OSBPL6: variants seen among roughly 807,000 people sequenced by gnomAD.
OSBPL6 encodes the protein oxysterol-binding protein-related protein 6.
A neutral mutation model predicts 125.8 loss-of-function variants in OSBPL6; 49 were observed. The observed-to-expected ratio is 0.39, with a 90% CI of 0.31 to 0.49. The LOEUF (loss-of-function observed/expected upper bound fraction) is 0.49. Ranked by LOEUF, OSBPL6 falls within the 20% of genes least tolerant of loss-of-function variation. OSBPL6 has a pLI of 0.88. For synonymous variants in OSBPL6, 394 were observed against 391.8 expected, an observed-to-expected ratio of 1.01 and a Z score of -0.07; for missense variants, 986 against 1,135.4, an observed-to-expected ratio of 0.87 and a Z score of 1.89.
chr2:178,248,109 C>T (rs977648197), intron 1 of OSBPL6, among the ~76,000 whole-genome samples: 3 of 152,114 alleles, frequency 2.0e-5, no homozygotes, highest in Admixed American at 6.5e-5. Context: ...AGATACAAAA[C>T]GAAGATTCAG....
chr2:178,308,405 T>C (rs569502460), intron 3 of OSBPL6, among the ~76,000 whole-genome samples: 2 of 152,360 alleles, frequency 1.3e-5, no homozygotes, highest in East Asian at 3.9e-4. Context: ...TAAATTTGGC[T>C]TCATTGAATC....
chr2:178,348,511 C>CT (rs1207923551), intron 11 of OSBPL6, among the ~76,000 whole-genome samples: 1 of 152,238 alleles, frequency 6.6e-6, no homozygotes, highest in African/African-American at 2.4e-5. Flanking sequence ...AAGGAAGTAC[C>CT]TCTAGCCATG....
At chr2:178,316,185 A>G (rs1000996654) in intron 3 of OSBPL6, among the ~76,000 whole-genome samples, 1 of 152,202 alleles carries the variant, frequency 6.6e-6, no homozygotes, top group African/African-American at 2.4e-5. Flanking sequence ...AAGGAAATAG[A>G]TACTCTCCTG....
intron 1 of OSBPL6, among the ~76,000 whole-genome samples, chr2:178,269,029 GTCCA>G (rs911155441): frequency 6.6e-6 from 1 of 152,170 alleles, no homozygotes; most frequent in African/African-American, 2.4e-5. Flanking sequence ...TTTTGGATTG[GTCCA>G]TATTGCTTTG....
intron 3 of OSBPL6, among the ~76,000 whole-genome samples, chr2:178,317,437 C>CATAT (rs6147046): frequency 0.021 from 2,289 of 106,496 alleles, 48 homozygotes; most frequent in Non-Finnish European, 0.028. Flanking sequence ...ACTTAGACAC[C>CATAT]ATATATATAT....
intron 5 of OSBPL6, among the ~76,000 whole-genome samples, chr2:178,329,124 T>C (rs1187744463): frequency 6.6e-6 from 1 of 152,178 alleles, no homozygotes; most frequent in African/African-American, 2.4e-5. Flanking sequence ...TGAACATCCT[T>C]ACACATGAAC....
intron 11 of OSBPL6, chr2:178,344,142 A>G: frequency 1.6e-6 from 1 of 643,938 alleles, no homozygotes; most frequent in Admixed American, 2.7e-5. Flanking sequence ...CTCCCCTGTG[A>G]GCGCTTTTCG....
rs543923240 is a variant in OSBPL6 at position 178,203,370 on chromosome 2, A to G, written c.-351+8696A>G. Among the ~76,000 whole-genome samples, 3 of 152,264 alleles carry G rather than the reference A, an allele frequency of 2.0e-5. 1 individual carries two copies. The South Asian group carries it at 6.2e-4, about 32-fold the overall frequency. On this transcript the variant is annotated intron_variant, in intron 1 of 24. Coordinates refer to ENST00000190611, the MANE Select transcript of OSBPL6 (RefSeq NM_032523.4). Reference sequence around the variant, plus strand: ...ACATTTAGTAATCTCTTCTTTGGCAATGTCTACAGTATTAATCTCATCCAA... The same window carrying G: ...ACATTTAGTAATCTCTTCTTTGGCAGTGTCTACAGTATTAATCTCATCCAA...
In OSBPL6 at chr2:178,396,367, T is replaced by A. The variant is rs947409716; in HGVS notation, c.*808T>A. On this transcript the variant is annotated 3_prime_UTR_variant, in exon 25 of 25. Transcript: ENST00000190611. Reference sequence around the variant, plus strand: ...TCTGTATTTACGTGGCTCGTTAATTTCCTGTCCTGCGTCCAGATAATAAAC... The same window carrying A: ...TCTGTATTTACGTGGCTCGTTAATTACCTGTCCTGCGTCCAGATAATAAAC... 2.6e-5 allele frequency: 4 copies of A among 152,394 alleles called. No homozygotes were observed. Among genetic ancestry groups the A allele is most frequent in the African/African-American group, 9.7e-5 (4 of 41,450 alleles). 9.4% of individuals were successfully genotyped at this position (152,394 alleles called of 1,614,324 possible).
At chr2:178,302,397 G>A (rs564070920) in intron 2 of OSBPL6, among the ~76,000 whole-genome samples, 15 of 152,076 alleles carry the variant, frequency 9.9e-5, no homozygotes, top group African/African-American at 3.1e-4. Context: ...ATGTTCTTTC[G>A]TAGAGATGAC....
intron 13 of OSBPL6, among the ~76,000 whole-genome samples, chr2:178,369,855 C>T (rs940314475): frequency 1.3e-5 from 2 of 152,186 alleles, no homozygotes; most frequent in African/African-American, 4.8e-5. Flanking sequence ...CACTACTTAT[C>T]TTTGCCCTTG....
At chr2:178,384,388 G>A (rs1324774114) in intron 18 of OSBPL6, among the ~76,000 whole-genome samples, 1 of 152,234 alleles carries the variant, frequency 6.6e-6, no homozygotes, top group African/African-American at 2.4e-5. Context: ...CTGACAAAAT[G>A]TGTCCAAGGT....
At chr2:178,343,034 T>C (rs1056491281) in intron 11 of OSBPL6, among the ~76,000 whole-genome samples, 1 of 152,132 alleles carries the variant, frequency 6.6e-6, no homozygotes, top group East Asian at 1.9e-4. Context: ...CATATACATA[T>C]ATGTATGCAG....
chr2:178,379,715 G>A (rs1217394371), intron 15 of OSBPL6, among the ~76,000 whole-genome samples: 3 of 152,114 alleles, frequency 2.0e-5, no homozygotes, highest in Non-Finnish European at 2.9e-5. Context: ...AGCATAAGAA[G>A]TTGGCTTTTC....
intron 20 of OSBPL6, among the ~76,000 whole-genome samples, chr2:178,388,423 G>T (rs998126342): frequency 6.6e-6 from 1 of 152,102 alleles, no homozygotes; most frequent in Non-Finnish European, 1.5e-5. Flanking sequence ...TCCTTGGTAC[G>T]TCCCTGCAGG....
intron 1 of OSBPL6, among the ~76,000 whole-genome samples, chr2:178,275,042 CTA>C (rs1350192829): frequency 1.1e-4 from 17 of 152,056 alleles, no homozygotes; most frequent in Admixed American, 1.1e-3. Flanking sequence ...ATGATCAAAT[CTA>C]TGTTTTAAGA....
intron 1 of OSBPL6, among the ~76,000 whole-genome samples, chr2:178,256,499 C>T (rs1022272753): frequency 6.6e-6 from 1 of 152,148 alleles, no homozygotes; most frequent in African/African-American, 2.4e-5. Context: ...CCTCAGGCAG[C>T]TCCTAAAACC....
rs1686732017 is a variant in OSBPL6 at position 178,306,029 on chromosome 2, G to C, written c.-155-1G>C. On this transcript the variant is annotated splice_acceptor_variant, in intron 2 of 24. Transcript: ENST00000190611. LOFTEE classifies it low-confidence loss of function (5UTR_SPLICE). ...ATGAGGCTTGTTTGTTTTGCTTTTAGGTGGTTTGGACACCCTCAATATTGC... is the reference window on the plus strand; with the variant it reads ...ATGAGGCTTGTTTGTTTTGCTTTTACGTGGTTTGGACACCCTCAATATTGC... The C allele has an allele frequency of 3.8e-6, 2 of 529,230 alleles. No homozygotes were observed. The highest frequency in any genetic ancestry group is 6.8e-6 in the Non-Finnish European group (2 of 294,362). 32.8% of individuals were successfully genotyped at this position (529,230 alleles called of 1,614,324 possible).
intron 2 of OSBPL6, among the ~76,000 whole-genome samples, chr2:178,294,813 C>A (rs1201770833): frequency 6.8e-6 from 1 of 147,606 alleles, no homozygotes; most frequent in Non-Finnish European, 1.5e-5. Context: ...AATATATAGA[C>A]TTGAGGGCAC....
Sources: allele counts gnomAD v4.1 joint callset (sites outside exome capture counted in the v4.1 genomes callset), GRCh38; gene constraint gnomAD v4.1.1; transcripts MANE v1.5; gene names NCBI Gene and HGNC (gene_info 2026-07-23, HGNC 2026-07-21).